The following LRGUK variants were observed in gnomAD, a reference collection of about 807,000 sequenced individuals.
LRGUK encodes leucine rich repeats and guanylate kinase domain containing, also known as leucine-rich repeat and guanylate kinase domain-containing protein.
In LRGUK, 65 loss-of-function variants were observed where a neutral mutation model predicts 76.0. The observed-to-expected ratio is 0.85, with a 90% CI of 0.70 to 1.05. The LOEUF (loss-of-function observed/expected upper bound fraction) is 1.05. LRGUK is among the 50% of genes least tolerant of loss of function. The pLI, the probability that LRGUK is intolerant of heterozygous loss-of-function variation, is 0.00. For missense variants in LRGUK, 758 were observed against 732.8 expected, an observed-to-expected ratio of 1.03 and a Z score of -0.40; for synonymous variants, 268 against 265.6, an observed-to-expected ratio of 1.01 and a Z score of -0.09.
At chr7:134,229,933 G>A (rs1446245369) in intron 16 of LRGUK, among the ~76,000 whole-genome samples, 1 of 151,954 alleles carries the variant, frequency 6.6e-6, no homozygotes, top group Non-Finnish European at 1.5e-5. Flanking sequence ...AATAATAATA[G>A]TTCAAAAAAT....
chr7:134,265,713 G>A (rs534630333), downstream of LRGUK, among the ~76,000 whole-genome samples: 1 of 152,286 alleles, frequency 6.6e-6, no homozygotes, highest in East Asian at 1.9e-4. Flanking sequence ...CAGAGAAGGT[G>A]TTGTGGACAG....
At chr7:134,153,928 T>A (rs980632161) in intron 5 of LRGUK, among the ~76,000 whole-genome samples, 1 of 152,364 alleles carries the variant, frequency 6.6e-6, no homozygotes, top group African/African-American at 2.4e-5. Context: ...ATTTTATGAT[T>A]GTAGACAAAC....
In LRGUK at chr7:134,163,507, C is replaced by A. The variant is rs778298491; in HGVS notation, c.906C>A (p.Asp302Glu). The A allele has an allele frequency of 3.1e-6, 5 of 1,613,626 alleles. No homozygotes were observed. In the East Asian group the frequency reaches 6.7e-5, roughly 22 times the overall value. ...GCCTCCAAGGCTTAGAGAATCATGA[C>A]CTCCTGGAAGTGATCAACCTGGAGG... Residue 302 changes from aspartate (D) to glutamate (E), a missense_variant, in exon 7 of 16, where the codon GAC becomes GAA. Coordinates refer to ENST00000645682, the Ensembl canonical transcript of LRGUK.
intron 18 of LRGUK, among the ~76,000 whole-genome samples, chr7:134,257,379 T>A (rs961738176): frequency 6.6e-6 from 1 of 152,126 alleles, no homozygotes; most frequent in Non-Finnish European, 1.5e-5. Context: ...TGAGCTCCCC[T>A]GGTAGAGCTG....
chr7:134,214,136 G>GCC, downstream of LRGUK, among the ~76,000 whole-genome samples: 1 of 151,860 alleles, frequency 6.6e-6, no homozygotes, highest in South Asian at 2.1e-4. Flanking sequence ...GCATGATTGG[G>GCC]AAATTCACAG....
At chr7:134,157,829 C>T (rs761948377) in intron 5 of LRGUK, among the ~76,000 whole-genome samples, 3 of 152,000 alleles carry the variant, frequency 2.0e-5, no homozygotes, top group Non-Finnish European at 4.4e-5. Context: ...AGCCACTATG[C>T]CTTTTTAAAA....
intron 18 of LRGUK, among the ~76,000 whole-genome samples, chr7:134,256,137 A>G (rs1405287539): frequency 6.6e-6 from 1 of 151,972 alleles, no homozygotes; most frequent in Non-Finnish European, 1.5e-5. Flanking sequence ...GAATTATCCT[A>G]TTCCCACCCC....
chr7:134,201,832 A>C (rs1800785250), intron 15 of LRGUK, among the ~76,000 whole-genome samples: 1 of 152,088 alleles, frequency 6.6e-6, no homozygotes, highest in African/African-American at 2.4e-5. Flanking sequence ...GCCTTGGCGG[A>C]GGTAATAGAT....
intron 5 of LRGUK, among the ~76,000 whole-genome samples, chr7:134,156,572 A>T (rs1176773735): frequency 6.6e-6 from 1 of 152,218 alleles, no homozygotes; most frequent in African/African-American, 2.4e-5. Context: ...TTCCAGAACT[A>T]TTGTGAAATT....
chr7:134,202,688 A>G (rs1800826407), intron 15 of LRGUK, among the ~76,000 whole-genome samples: 1 of 152,260 alleles, frequency 6.6e-6, no homozygotes, highest in Non-Finnish European at 1.5e-5. Context: ...GAAATGAGCC[A>G]GTCACAAAAG....
Position 134,143,274 on chromosome 7 carries a change from C to T in LRGUK, c.588+112C>T. 5.9e-6 allele frequency: 4 copies of T among 679,672 alleles called. No individual in the cohort carries two copies. The South Asian group carries it at 7.2e-5, about 12-fold the overall frequency. The allele number at this position is 679,672 out of a possible 1,614,324, so 42.1% of individuals were successfully genotyped here. ...AGAGAGAATAAGATACAGAGGTAAG[C>T]AATGTAAGTGTCTGAAATGAAATAA... On this transcript the variant is annotated intron_variant, in intron 4 of 15. Transcript: ENST00000645682.
chr7:134,263,158 T>C (rs1802779633), intron 19 of LRGUK, among the ~76,000 whole-genome samples: 1 of 152,116 alleles, frequency 6.6e-6, no homozygotes, highest in South Asian at 2.1e-4. Context: ...ATCATTTCTG[T>C]TTCTCTCACT....
At chr7:134,130,888 T>G (rs1333598501) in intron 1 of LRGUK, among the ~76,000 whole-genome samples, 3 of 152,246 alleles carry the variant, frequency 2.0e-5, no homozygotes, top group Non-Finnish European at 4.4e-5. Context: ...TCTCTCATTC[T>G]TCATGTGGGA....
intron 19 of LRGUK, among the ~76,000 whole-genome samples, chr7:134,261,309 A>G (rs1192713499): frequency 6.6e-6 from 1 of 151,844 alleles, no homozygotes. Flanking sequence ...TTTTACATAA[A>G]TGTAACTTTT....
chr7:134,151,773 G>A (rs1367818776), intron 5 of LRGUK, among the ~76,000 whole-genome samples: 1 of 152,100 alleles, frequency 6.6e-6, no homozygotes, highest in East Asian at 1.9e-4. Context: ...ATAGATTAAA[G>A]GGAGTAAACC....
intron 6 of LRGUK, among the ~76,000 whole-genome samples, chr7:134,161,193 C>T (rs994656063): frequency 2.0e-5 from 3 of 152,114 alleles, no homozygotes; most frequent in Admixed American, 6.5e-5. Context: ...TAAAGCATTT[C>T]AGAGTTCTTT....
At chr7:134,239,686 G>T (rs1022593386) in intron 16 of LRGUK, among the ~76,000 whole-genome samples, 1 of 152,234 alleles carries the variant, frequency 6.6e-6, no homozygotes, top group Admixed American at 6.5e-5. Flanking sequence ...CTGTCTGACA[G>T]CTTTGAAGAG....
exon 4 of LRGUK, chr7:134,143,094 C>G: frequency 6.2e-7 from 1 of 1,608,880 alleles, no homozygotes; most frequent in Non-Finnish European, 8.5e-7. Flanking sequence ...GCCTTATCTC[C>G]TAGAACTTAA....
At chr7:134,153,718 A>G (rs1390084340) in intron 5 of LRGUK, among the ~76,000 whole-genome samples, 1 of 152,174 alleles carries the variant, frequency 6.6e-6, no homozygotes, top group African/African-American at 2.4e-5. Context: ...AACTTTTGTC[A>G]CAGAGGCATT....
Sources: allele counts gnomAD v4.1 joint callset (sites outside exome capture counted in the v4.1 genomes callset), GRCh38; gene constraint gnomAD v4.1.1; transcripts MANE v1.5; gene names NCBI Gene and HGNC (gene_info 2026-07-23, HGNC 2026-07-21).